The following RCAN2 variants were observed in gnomAD, a reference collection of about 807,000 sequenced individuals.
RCAN2 encodes the protein calcipressin-2.
RCAN2 carries 9 observed loss-of-function variants against 23.6 expected under a neutral mutation model. The observed-to-expected ratio is 0.38, with a 90% CI of 0.23 to 0.67. The LOEUF (loss-of-function observed/expected upper bound fraction) is 0.67, where lower values mean the gene tolerates loss of function less well. Among genes scored for constraint, RCAN2 ranks in the 30% least tolerant of loss-of-function variants. The pLI is 0.51. For synonymous variants in RCAN2, 109 were observed against 115.7 expected, an observed-to-expected ratio of 0.94 and a Z score of 0.37; for missense variants, 273 against 302.3, an observed-to-expected ratio of 0.90 and a Z score of 0.72.
chr6:46,321,835 C>T (rs1466241316), intron 2 of RCAN2, among the ~76,000 whole-genome samples: 2 of 152,184 alleles, frequency 1.3e-5, no homozygotes, highest in Non-Finnish European at 2.9e-5. Flanking sequence ...CTCAGAGATA[C>T]CGTTTTTAAA....
rs1194185206 is a variant in RCAN2, at chr6:46,221,295, T to A, written c.*1846A>T. The A allele has an allele frequency of 6.6e-6, 1 of 152,630 alleles. No individual in the cohort carries two copies. The allele number at this position is 152,630 out of a possible 1,614,324, so 9.5% of individuals were successfully genotyped here. A position where few individuals can be genotyped will look rare whatever the true frequency, so the allele number is the denominator to read the frequency against. ...TCAAGTCAAATGACCCACAGATGAT[T>A]GAGAAGAGTCAGCTTTGAAAGGCTG... On this transcript the variant is annotated 3_prime_UTR_variant, in exon 5 of 5. Coordinates refer to ENST00000371374, the MANE Select transcript of RCAN2 (RefSeq NM_001251974.2).
chr6:46,460,625 C>A (rs898594684), intron 1 of RCAN2, among the ~76,000 whole-genome samples: 2 of 152,148 alleles, frequency 1.3e-5, no homozygotes, highest in Non-Finnish European at 2.9e-5. Context: ...TCCTCCAATG[C>A]AGCTACTATT....
chr6:46,286,626 G>T (rs1762383339), intron 2 of RCAN2, among the ~76,000 whole-genome samples: 1 of 152,166 alleles, frequency 6.6e-6, no homozygotes, highest in African/African-American at 2.4e-5. Context: ...GTAAAGACAT[G>T]TACAGAACTT....
intron 4 of RCAN2, among the ~76,000 whole-genome samples, chr6:46,241,360 C>T (rs1203941157): frequency 6.6e-6 from 1 of 152,178 alleles, no homozygotes; most frequent in Non-Finnish European, 1.5e-5. Flanking sequence ...CACTGTTAAA[C>T]TGATGGGCTT....
chr6:46,341,899 G>A (rs1764331700), intron 2 of RCAN2, among the ~76,000 whole-genome samples: 1 of 152,148 alleles, frequency 6.6e-6, no homozygotes, highest in African/African-American at 2.4e-5. Flanking sequence ...CTAGGACAGA[G>A]GAAGGTAAGG....
chr6:46,329,816 G>C (rs1294653111), intron 2 of RCAN2, among the ~76,000 whole-genome samples: 1 of 152,178 alleles, frequency 6.6e-6, no homozygotes, highest in Admixed American at 6.5e-5. Context: ...ATTATGCACA[G>C]ACCCCTTGGA....
intron 2 of RCAN2, among the ~76,000 whole-genome samples, chr6:46,430,064 G>C (rs535987880): frequency 9.2e-4 from 140 of 152,216 alleles, no homozygotes; most frequent in African/African-American, 3.3e-3. Context: ...GGAAGCTTTG[G>C]GTGGGTTTTA....
chr6:46,458,896 CGTGT>C (rs1554142879), intron 1 of RCAN2, among the ~76,000 whole-genome samples: 2 of 150,036 alleles, frequency 1.3e-5, no homozygotes, highest in South Asian at 4.2e-4. Flanking sequence ...CGCGCGCGCA[CGTGT>C]GTGTGTGTGT....
intron 2 of RCAN2, among the ~76,000 whole-genome samples, chr6:46,404,264 T>A (rs1561891792): frequency 6.6e-6 from 1 of 152,094 alleles, no homozygotes; most frequent in Non-Finnish European, 1.5e-5. Flanking sequence ...AATGAGTGCT[T>A]GTTTGATCAT....
At chr6:46,429,698 C>T (rs368731421) in intron 2 of RCAN2, among the ~76,000 whole-genome samples, 2 of 152,054 alleles carry the variant, frequency 1.3e-5, no homozygotes, top group East Asian at 1.9e-4. Flanking sequence ...TACGTTCTTG[C>T]CCTTATGGAC....
intron 2 of RCAN2, among the ~76,000 whole-genome samples, chr6:46,281,134 GA>G (rs1767897563): frequency 2.0e-5 from 3 of 152,128 alleles, no homozygotes; most frequent in Admixed American, 1.3e-4. Context: ...AGGGGGAGAA[GA>G]AAAGTCAGAG....
intron 2 of RCAN2, among the ~76,000 whole-genome samples, chr6:46,258,950 T>C (rs868335205): frequency 6.6e-6 from 1 of 152,094 alleles, no homozygotes; most frequent in African/African-American, 2.4e-5. Flanking sequence ...CGGGGGTGAA[T>C]CCAAGTATTA....
intron 2 of RCAN2, among the ~76,000 whole-genome samples, chr6:46,265,081 T>C (rs555929500): frequency 6.6e-6 from 1 of 152,126 alleles, no homozygotes; most frequent in African/African-American, 2.4e-5. Flanking sequence ...ACGTCTTTTG[T>C]CTTCATCTAG....
rs112546925 is a variant in RCAN2 at position 46,276,214 on chromosome 6, A to AAAAAC, written c.226-27323_226-27319dup. 1.9e-3 allele frequency among the ~76,000 whole-genome samples: 287 copies of AAAAAC among 151,206 alleles called. 2 individuals carry two copies. Among genetic ancestry groups the AAAAAC allele is most frequent in the African/African-American group, 6.4e-3 (265 of 41,170 alleles). ...TGAGTGACAGAGTGAGACTCTGTCT[A>AAAAAC]AAAACAAAACAAAACAAAAACCAAC... On this transcript the variant is annotated intron_variant, in intron 2 of 4. Coordinates refer to ENST00000371374, the MANE Select transcript of RCAN2 (RefSeq NM_001251974.2).
chr6:46,345,379 C>T (rs976544597), intron 2 of RCAN2, among the ~76,000 whole-genome samples: 16 of 152,058 alleles, frequency 1.1e-4, no homozygotes, highest in African/African-American at 3.6e-4. Flanking sequence ...TGAACAACTC[C>T]GAAAACAAAC....
At chr6:46,438,531 TG>T (rs1489916744) in intron 2 of RCAN2, 1 of 151,616 alleles carries the variant, frequency 6.6e-6, no homozygotes, top group Non-Finnish European at 1.5e-5. Flanking sequence ...AAGAAAAGGG[TG>T]GGGACACATA....
chr6:46,230,213 T>G (rs988388072), intron 4 of RCAN2, among the ~76,000 whole-genome samples: 6 of 152,232 alleles, frequency 3.9e-5, no homozygotes, highest in African/African-American at 1.4e-4. Context: ...CCAGTTAGGC[T>G]ACTCAGGGGT....
chr6:46,411,314 G>A (rs565818204), intron 2 of RCAN2, among the ~76,000 whole-genome samples: 35 of 152,268 alleles, frequency 2.3e-4, no homozygotes, highest in African/African-American at 7.7e-4. Context: ...AAACAGAATC[G>A]TGATTGACAG....
intron 2 of RCAN2, among the ~76,000 whole-genome samples, chr6:46,440,197 A>G (rs1313081644): frequency 1.3e-5 from 2 of 152,212 alleles, no homozygotes; most frequent in African/African-American, 2.4e-5. Flanking sequence ...ATTTCCTCAC[A>G]AATGAATATT....
Sources: allele counts gnomAD v4.1 joint callset (sites outside exome capture counted in the v4.1 genomes callset), GRCh38; gene constraint gnomAD v4.1.1; transcripts MANE v1.5; gene names NCBI Gene and HGNC (gene_info 2026-07-23, HGNC 2026-07-21).